MYO15A: variants seen among roughly 807,000 people sequenced by gnomAD.
The protein encoded by MYO15A is unconventional myosin-XV.
MYO15A carries 308 observed loss-of-function variants against 394.6 expected under a neutral mutation model. The observed-to-expected ratio is 0.78, with a 90% CI of 0.71 to 0.86. The LOEUF (loss-of-function observed/expected upper bound fraction) is 0.86. MYO15A is among the 40% of genes least tolerant of loss of function. The pLI, the probability that MYO15A is intolerant of heterozygous loss-of-function variation, is 0.00. For missense variants in MYO15A, 4,606 were observed against 4,799.1 expected, an observed-to-expected ratio of 0.96 and a Z score of 1.19; for synonymous variants, 1,957 against 2,003.8, an observed-to-expected ratio of 0.98 and a Z score of 0.62.
rs1379405524 is a variant in MYO15A, at chr17:18,156,231, G to T, written c.8496G>T (p.Gln2832His). 1 of 1,614,040 alleles carries T rather than the reference G, an allele frequency of 6.2e-7. No individual in the cohort carries two copies. The highest frequency in any genetic ancestry group is 8.5e-7 in the Non-Finnish European group (1 of 1,180,028). ...ADILFVTMPS[Q>H]NMLEFNLASE... ...TCCTGTTTGTGACCATGCCCTCCCA[G>T]AACATGCTGGAGTTCAACCTGGCCA... The change falls in exon 48 of 66, where the codon CAG (glutamine) becomes CAT (histidine). Residue 2832 changes from glutamine to histidine, a missense_variant. This residue lies in a region of MYO15A where 2,776 missense variants were observed against 3,109.3 expected (regional missense o/e 0.89). Coordinates refer to ENST00000647165, the MANE Select transcript of MYO15A (RefSeq NM_016239.4).
Position 18,119,802 on chromosome 17 carries a change from C to A in MYO15A, c.1002C>A (p.Gly334=). The change falls in exon 2 of 66, where the codon GGC becomes GGA. Residue 334 remains glycine (G), a synonymous_variant. Coordinates refer to ENST00000647165, the MANE Select transcript of MYO15A (RefSeq NM_016239.4). ...SPYSYHDGYE[G]EAHPYGYYLD... ...ACAGCTACCACGATGGGTACGAGGG[C>A]GAGGCGCACCCTTATGGCTACTACC... The A allele has an allele frequency of 1.2e-6, 2 of 1,613,148 alleles. No homozygotes were observed. Among genetic ancestry groups the A allele is most frequent in the Non-Finnish European group, 1.7e-6 (2 of 1,179,988 alleles).
At chr17:18,175,080 C>CT (rs534149910) in intron 65 of MYO15A, among the ~76,000 whole-genome samples, 2,658 of 133,322 alleles carry the variant, frequency 0.02, 71 homozygotes, top group African/African-American at 0.05. Flanking sequence ...TCTCCTACCT[C>CT]TTTTTTTTTT....
chr17:18,149,796 G>C (rs2046546449), intron 35 of MYO15A: 1 of 620,494 alleles, frequency 1.6e-6, no homozygotes, highest in Non-Finnish European at 2.9e-6. Context: ...ACAGTTAGAA[G>C]TGCACCTCTA....
chr17:18,146,064 A>C lies in MYO15A; in HGVS notation c.6466A>C (p.Ser2156Arg). Residue 2156 changes from serine to arginine, a missense_variant, in exon 30 of 66, where the codon AGT becomes CGT. Physicochemically the swap from Ser to Arg is moderately radical, Grantham distance 110. Around this residue, in one of 2 missense-constraint regions of MYO15A, gnomAD observed 2,776 missense variants for 3,109.3 expected, o/e 0.89. Coordinates refer to ENST00000647165, the MANE Select transcript of MYO15A (RefSeq NM_016239.4). ...RGWLLLAACL[S>R]GFAPSPCFNK... ...CTGGCTGCTGCTGGCCGCCTGCCTC[A>C]GTGGCTTTGCACCTTCCCCGTGCTT... 3 of 1,613,942 alleles carry C rather than the reference A, an allele frequency of 1.9e-6. No individual in the cohort carries two copies. The highest frequency in any genetic ancestry group is 2.2e-5 in the East Asian group (1 of 44,888).
At chr17:18,164,929 C>G (rs1056453534) in intron 60 of MYO15A, 1 of 149,042 alleles carries the variant, frequency 6.7e-6, no homozygotes, top group African/African-American at 2.5e-5. Flanking sequence ...CACCTAAGGT[C>G]GGGAGTTCGA....
intron 21 of MYO15A, 55 bp from the exon 22 acceptor site, chr17:18,140,964 C>T (rs1322187000): frequency 1.2e-6 from 2 of 1,613,092 alleles, no homozygotes; most frequent in Admixed American, 1.7e-5. Flanking sequence ...CATGATAATG[C>T]CTTTTGCACA....
rs765005714 is a variant in MYO15A, at chr17:18,117,382, C to T, written c.-219-1200C>T. ...CCTGTCCCTGTTTCACAGCTGAGCACGTTGAGGCTCTGAAGCCACTGATCT... is the reference window on the plus strand; with the variant it reads ...CCTGTCCCTGTTTCACAGCTGAGCATGTTGAGGCTCTGAAGCCACTGATCT... On this transcript the variant is annotated intron_variant, in intron 1 of 65. Coordinates refer to ENST00000647165, the MANE Select transcript of MYO15A (RefSeq NM_016239.4). The surrounding 1 kb of genome is among the most constrained non-coding windows in gnomAD (Gnocchi z 4.1). 6.6e-6 allele frequency among the ~76,000 whole-genome samples: 1 copy of T among 152,266 alleles called. No individual in the cohort carries two copies. Among genetic ancestry groups the T allele is most frequent in the East Asian group, 1.9e-4 (1 of 5,204 alleles).
intron 1 of MYO15A, among the ~76,000 whole-genome samples, chr17:18,115,321 T>C (rs1427746139): frequency 6.6e-6 from 1 of 152,166 alleles, no homozygotes; most frequent in Non-Finnish European, 1.5e-5. Context: ...GAGGCTGCTA[T>C]CAAGACTGAG....
chr17:18,159,054 C>T (rs904033309), intron 53 of MYO15A, 57 bp downstream of exon 53: 58 of 1,565,642 alleles, frequency 3.7e-5, no homozygotes, highest in Non-Finnish European at 4.7e-5. Context: ...CAGGGGCCCC[C>T]TCCCAGGCCC....
chr17:18,157,380 G>C (rs927926229), intron 50 of MYO15A, 150 bp downstream of exon 50: 1 of 1,155,996 alleles, frequency 8.7e-7, no homozygotes, highest in Non-Finnish European at 1.3e-6. Context: ...GTCAGTATCT[G>C]TTGGTGGCCA....
chr17:18,157,471 C>A, intron 50 of MYO15A: 2 of 893,524 alleles, frequency 2.2e-6, no homozygotes, highest in South Asian at 1.6e-5. Flanking sequence ...TTTATGTCTC[C>A]ACATGACCTG....
intron 7 of MYO15A, among the ~76,000 whole-genome samples, chr17:18,130,046 A>AT: frequency 6.6e-6 from 1 of 152,128 alleles, no homozygotes; most frequent in African/African-American, 2.4e-5. Context: ...CGCCCGGCTA[A>AT]TTTTTTGTAT....
In MYO15A at chr17:18,147,451, G is replaced by C. The variant is rs867384800; in HGVS notation, c.6510-578G>C. On this transcript the variant is annotated intron_variant, in intron 30 of 65. Transcript: ENST00000647165. The surrounding 1 kb of genome is among the most constrained non-coding windows in gnomAD (Gnocchi z 4.4). ...CTGCTCTTGGCCAGGCTTAGCTGCAGGAGATGTAGGATGTGGGGGTGAGGG... is the reference window on the plus strand; with the variant it reads ...CTGCTCTTGGCCAGGCTTAGCTGCACGAGATGTAGGATGTGGGGGTGAGGG... Among the ~76,000 whole-genome samples the C allele has an allele frequency of 6.6e-6, 1 of 152,214 alleles. No homozygotes were observed. The highest frequency in any genetic ancestry group is 2.4e-5 in the African/African-American group (1 of 41,430).
rs554073560 is a variant in MYO15A, at chr17:18,153,855, G to A, written c.8047G>A (p.Gly2683Ser). 6.8e-6 allele frequency: 11 copies of A among 1,613,596 alleles called. No individual in the cohort carries two copies. The highest frequency in any genetic ancestry group is 1.6e-4 in the Middle Eastern group (1 of 6,062). Residue 2683 changes from glycine (G) to serine (S), a missense_variant, in exon 43 of 66, where the codon GGC becomes AGC. By Grantham distance (56) the Gly-to-Ser change is moderately conservative. Transcript: ENST00000647165. This position sits in a 1 kb window ranked among gnomAD's most constrained non-coding sequence, Gnocchi z 4.1. ...LHRLINPNFY[G>S]YQDAPWKIFL... ...CCGCCTCATCAATCCCAACTTCTAC[G>A]GCTATCAGGACGCCCCCTGGAAGAT...
chr17:18,140,722 AC>A (rs2046363707), intron 20 of MYO15A, 57 bp downstream of exon 20: 1 of 1,613,988 alleles, frequency 6.2e-7, no homozygotes, highest in East Asian at 2.2e-5. Flanking sequence ...CCACCTCATG[AC>A]CCTCAGAGGT....
At position 18,117,128 on chromosome 17, in the gene MYO15A, C is replaced by A. The variant is rs533961224; in HGVS notation, c.-219-1454C>A. Among the ~76,000 whole-genome samples, 63 of 152,306 alleles carry A rather than the reference C, an allele frequency of 4.1e-4. No homozygotes were observed. Among genetic ancestry groups the A allele is most frequent in the African/African-American group, 1.5e-3 (62 of 41,558 alleles). ...CTGGTTTCCATCAAGCCCCACTCCC[C>A]ATCCCTGTGAGACTGCCTGCACCAG... On this transcript the variant is annotated intron_variant, in intron 1 of 65. Transcript: ENST00000647165. This position sits in a 1 kb window ranked among gnomAD's most constrained non-coding sequence, Gnocchi z 4.1.
Position 18,143,788 on chromosome 17 carries a change from C to G in MYO15A, c.6038C>G (p.Ala2013Gly), listed in dbSNP as rs1399788895. ...GCTGAGCTGGCTGGGCTCTTGCAAG[C>G]AGTGGCAGGTGGGTCAGCACCAGGC... is the stretch of plus-strand genomic sequence containing the variant. The part of the protein sequence containing the change: ...VPAELAGLLQ[A>G]VAGLGLAQVP... The change falls in exon 27 of 66, where the codon GCA (alanine) becomes GGA (glycine). Residue 2013 changes from alanine (A) to glycine (G), a missense_variant. Physicochemically the swap from Ala to Gly is moderately conservative, Grantham distance 60. Around this residue, in one of 2 missense-constraint regions of MYO15A, gnomAD observed 2,776 missense variants for 3,109.3 expected, o/e 0.89. Coordinates refer to ENST00000647165, the MANE Select transcript of MYO15A (RefSeq NM_016239.4). 6.3e-7 allele frequency: 1 copy of G among 1,586,208 alleles called. No homozygotes were observed. Among genetic ancestry groups the G allele is most frequent in the African/African-American group, 1.3e-5 (1 of 74,482 alleles).
At chr17:18,158,749 G>A in intron 52 of MYO15A, 111 bp downstream of exon 52, 6 of 1,429,022 alleles carry the variant, frequency 4.2e-6, no homozygotes, top group Non-Finnish European at 5.9e-6. Flanking sequence ...TGGGAGAGAT[G>A]AGAGACCACC....
In MYO15A at chr17:18,156,287, C is replaced by T. The variant is rs780488750; in HGVS notation, c.8552C>T (p.Ala2851Val). 1.4e-5 allele frequency: 23 copies of T among 1,614,186 alleles called. No individual in the cohort carries two copies. Among genetic ancestry groups the T allele is most frequent in the Non-Finnish European group, 1.7e-5 (20 of 1,180,028 alleles). Residue 2851 changes from alanine to valine, a missense_variant, in exon 48 of 66, where the codon GCG becomes GTG. By Grantham distance (64) the Ala-to-Val change is moderately conservative. Coordinates refer to ENST00000647165, the MANE Select transcript of MYO15A (RefSeq NM_016239.4). Reference sequence around the variant, plus strand: ...AAGGTCATCCTCTTCTCAGCCCGAGCGCACCAGGTCAAGACCCTGGTAGAT... The same window carrying T: ...AAGGTCATCCTCTTCTCAGCCCGAGTGCACCAGGTCAAGACCCTGGTAGAT... ...SEKVILFSAR[A>V]HQVKTLVDDF...
Sources: allele counts gnomAD v4.1 joint callset (sites outside exome capture counted in the v4.1 genomes callset), GRCh38; gene constraint gnomAD v4.1.1; regional missense constraint gnomAD v4.1.1; non-coding constraint Gnocchi (gnomAD v3.1); transcripts MANE v1.5; gene names NCBI Gene and HGNC (gene_info 2026-07-23, HGNC 2026-07-21).